The following PCDHGB1 variants were observed in gnomAD, a reference collection of about 807,000 sequenced individuals.
PCDHGB1 encodes the protein protocadherin gamma-B1.
In PCDHGB1, 34 loss-of-function variants were observed where a neutral mutation model predicts 56.6. The ratio of observed to expected loss-of-function variants is 0.60; its 90% CI spans 0.46 to 0.80. The LOEUF (loss-of-function observed/expected upper bound fraction) is 0.80. Among genes scored for constraint, PCDHGB1 ranks in the 30% least tolerant of loss-of-function variants. The pLI, the probability that PCDHGB1 is intolerant of heterozygous loss-of-function variation, is 0.00. For missense variants in PCDHGB1, 1,278 were observed against 1,204.6 expected, an observed-to-expected ratio of 1.06 and a Z score of -0.90; for synonymous variants, 561 against 505.9, an observed-to-expected ratio of 1.11 and a Z score of -1.46.
intron 1 of PCDHGB1, among the ~76,000 whole-genome samples, chr5:141,354,236 C>A (rs989909155): frequency 2.0e-5 from 3 of 152,054 alleles, no homozygotes; most frequent in Non-Finnish European, 2.9e-5. Context: ...TTTTTAAGAT[C>A]AGAGTTATTT....
chr5:141,384,666 C>CA, intron 1 of PCDHGB1: 2 of 1,614,220 alleles, frequency 1.2e-6, no homozygotes, highest in Non-Finnish European at 1.7e-6. Flanking sequence ...ACCTGGTGAC[C>CA]AAGGTGGTGG....
chr5:141,511,077 T>C lies in PCDHGB1; in HGVS notation c.2688T>C (p.Asn896=), dbSNP rs1279500774. ...YRQNVYIPGS[N]ATLTNAAGKR... is the part of the protein sequence containing the mutation. ...AGAATGTCTACATCCCAGGCAGCAA[T>C]GCCACACTGACCAACGCAGCTGGCA... is the stretch of plus-strand genomic sequence containing the variant. Residue 896 remains asparagine, a synonymous_variant, in exon 4 of 4, where the codon AAT becomes AAC. Transcript: ENST00000523390. 5 of 1,614,062 alleles carry C rather than the reference T, an allele frequency of 3.1e-6. No individual in the cohort carries two copies. The African/African-American group carries it at 6.7e-5, about 22-fold the overall frequency.
intron 1 of PCDHGB1, chr5:141,412,884 G>A: frequency 3.2e-6 from 1 of 311,540 alleles, no homozygotes. Flanking sequence ...TAATCCAACA[G>A]AATAGTTTAC....
intron 1 of PCDHGB1, among the ~76,000 whole-genome samples, chr5:141,435,303 A>G (rs2097757060): frequency 6.6e-6 from 1 of 152,192 alleles, no homozygotes; most frequent in Admixed American, 6.5e-5. Flanking sequence ...TCATGGTTTT[A>G]AATCATTCAT....
intron 1 of PCDHGB1, among the ~76,000 whole-genome samples, chr5:141,465,041 C>T (rs2099095802): frequency 6.6e-6 from 1 of 151,856 alleles, no homozygotes; most frequent in Non-Finnish European, 1.5e-5. Flanking sequence ...CACAAATGAC[C>T]CTATATATTT....
At chr5:141,454,567 C>T (rs572130062) in intron 1 of PCDHGB1, among the ~76,000 whole-genome samples, 10 of 150,966 alleles carry the variant, frequency 6.6e-5, no homozygotes, top group South Asian at 2.1e-4. Context: ...CCACCACGCC[C>T]GGCTAATTTT....
intron 1 of PCDHGB1, among the ~76,000 whole-genome samples, chr5:141,369,601 T>C (rs1247680470): frequency 2.0e-5 from 3 of 152,244 alleles, no homozygotes; most frequent in Non-Finnish European, 4.4e-5. Flanking sequence ...ACTTCTATTT[T>C]ATAAGGTCAA....
In PCDHGB1 at chr5:141,490,134, C is replaced by G; in HGVS notation, c.2410-4673C>G. On this transcript the variant is annotated intron_variant, in intron 1 of 3. Transcript: ENST00000523390. This position sits in a 1 kb window ranked among gnomAD's most constrained non-coding sequence, Gnocchi z 5.4. ...GGAACCTCTTTGGCCTAGACCCTAG[C>G]AGTGGGGCAATCCATGTGTTGGGTC... The G allele has an allele frequency of 1.2e-6, 2 of 1,614,232 alleles. No homozygotes were observed. The highest frequency in any genetic ancestry group is 1.7e-6 in the Non-Finnish European group (2 of 1,180,030).
chr5:141,366,302 TTCACGG>T, intron 1 of PCDHGB1: 1 of 1,613,768 alleles, frequency 6.2e-7, no homozygotes, highest in Non-Finnish European at 8.5e-7. Flanking sequence ...GTCAGCCACC[TTCACGG>T]TCACCGTTGC....
intron 1 of PCDHGB1, chr5:141,390,019 G>T (rs1047341984): frequency 1.9e-6 from 3 of 1,614,002 alleles, no homozygotes; most frequent in Non-Finnish European, 2.5e-6. Flanking sequence ...ATTGCCTTGC[G>T]CCTGCGACGC....
At chr5:141,433,358 C>CCTAT (rs3074541) in intron 1 of PCDHGB1, 148,925 of 502,316 alleles carry the variant, frequency 0.3, 18,760 homozygotes, top group East Asian at 0.33. Flanking sequence ...CTACTGTCTG[C>CCTAT]CTATCTATCT....
intron 1 of PCDHGB1, chr5:141,426,320 G>A (rs2096927622): frequency 1.1e-5 from 2 of 175,034 alleles, no homozygotes; most frequent in South Asian, 1.3e-4. Context: ...AGCAGGACCC[G>A]GCAGTGGCAA....
intron 1 of PCDHGB1, chr5:141,417,742 G>A: frequency 7.0e-7 from 1 of 1,418,808 alleles, no homozygotes. Flanking sequence ...CAGCACACCA[G>A]ATTGCCAGCT....
At chr5:141,417,304 AG>A (rs1315238937) in intron 1 of PCDHGB1, 1 of 152,318 alleles carries the variant, frequency 6.6e-6, no homozygotes, top group East Asian at 1.9e-4. Context: ...CTCTGGATGG[AG>A]GAATTGGATA....
rs762908598 is a variant in PCDHGB1 at position 141,491,157 on chromosome 5, T to A, written c.2410-3650T>A. The A allele has an allele frequency of 3.7e-6, 6 of 1,614,108 alleles. No homozygotes were observed. The Admixed American group carries it at 8.3e-5, about 22-fold the overall frequency. On this transcript the variant is annotated intron_variant, in intron 1 of 3. Transcript: ENST00000523390. The surrounding 1 kb of genome is among the most constrained non-coding windows in gnomAD (Gnocchi z 6.9). ...CCCGGGCCTTACTGGAGGATGACTC[T>A]GACACCCAGCAGGTGGTGGTCCTGG...
chr5:141,410,645 A>G (rs755117096), intron 1 of PCDHGB1: 11 of 1,597,402 alleles, frequency 6.9e-6, no homozygotes, highest in Non-Finnish European at 9.3e-6. Flanking sequence ...TTTGTGTGTG[A>G]TTTATCTAAT....
chr5:141,400,368 C>T lies in PCDHGB1; in HGVS notation c.2409+47699C>T. On this transcript the variant is annotated intron_variant, in intron 1 of 3. Coordinates refer to ENST00000523390, the MANE Select transcript of PCDHGB1 (RefSeq NM_018922.3). ...ACAGTCAGGGGACTTTGCCTTATTC[C>T]TACAACCTATGTGTTGCACATACAG... is the stretch of plus-strand genomic sequence containing the variant. 8.1e-6 allele frequency: 13 copies of T among 1,614,044 alleles called. No homozygotes were observed. The highest frequency in any genetic ancestry group is 1.6e-4 in the Middle Eastern group (1 of 6,062).
chr5:141,431,325 G>C lies in PCDHGB1; in HGVS notation c.2410-63482G>C, dbSNP rs772252181. On this transcript the variant is annotated intron_variant, in intron 1 of 3. Coordinates refer to ENST00000523390, the MANE Select transcript of PCDHGB1 (RefSeq NM_018922.3). The surrounding 1 kb of genome is among the most constrained non-coding windows in gnomAD (Gnocchi z 4.8). Reference sequence around the variant, plus strand: ...ATCGTGCAAAATGGAGCCGACGGTAGTAAGTACCCCGAATTGGTGCTGAAA... The same window carrying C: ...ATCGTGCAAAATGGAGCCGACGGTACTAAGTACCCCGAATTGGTGCTGAAA... 4.3e-6 allele frequency: 7 copies of C among 1,614,144 alleles called. No individual in the cohort carries two copies. In the Admixed American group the frequency reaches 8.3e-5, roughly 19 times the overall value.
intron 1 of PCDHGB1, chr5:141,357,104 G>A: frequency 6.2e-7 from 1 of 1,613,888 alleles, no homozygotes; most frequent in South Asian, 1.1e-5. Flanking sequence ...CTGCTGGACA[G>A]AGACGCGCTC....
Sources: allele counts gnomAD v4.1 joint callset (sites outside exome capture counted in the v4.1 genomes callset), GRCh38; gene constraint gnomAD v4.1.1; non-coding constraint Gnocchi (gnomAD v3.1); transcripts MANE v1.5; gene names NCBI Gene and HGNC (gene_info 2026-07-23, HGNC 2026-07-21).